SLC7A1: variants seen among roughly 807,000 people sequenced by gnomAD.
The protein encoded by SLC7A1 is solute carrier family 7 member 1, also known as high affinity cationic amino acid transporter 1.
A neutral mutation model predicts 53.9 loss-of-function variants in SLC7A1; 10 were observed. The observed-to-expected ratio is 0.19, with a 90% CI of 0.11 to 0.31. The LOEUF (loss-of-function observed/expected upper bound fraction) is 0.31, where lower values mean the gene tolerates loss of function less well. SLC7A1 is among the 10% of genes least tolerant of loss of function. The pLI, the probability that SLC7A1 is intolerant of heterozygous loss-of-function variation, is 1.00. For synonymous variants in SLC7A1, 342 were observed against 338.7 expected (o/e 1.01, Z -0.11); for missense variants, 525 against 827.2 (o/e 0.63, Z 4.48).
At chr13:29,568,979 G>A (rs1337927478) in intron 1 of SLC7A1, among the ~76,000 whole-genome samples, 2 of 152,168 alleles carry the variant, frequency 1.3e-5, no homozygotes, top group African/African-American at 2.4e-5. Context: ...TCATCAAAAC[G>A]GGTCTCTGTC....
intron 2 of SLC7A1, among the ~76,000 whole-genome samples, chr13:29,551,754 A>G (rs535939827): frequency 6.6e-6 from 1 of 152,280 alleles, no homozygotes. Context: ...GGAAGGAAAG[A>G]AAAGGGTGCT....
intron 2 of SLC7A1, among the ~76,000 whole-genome samples, chr13:29,551,375 G>C (rs1222317484): frequency 6.6e-6 from 1 of 152,188 alleles, no homozygotes; most frequent in South Asian, 2.1e-4. Flanking sequence ...TCCAGGAGAT[G>C]TGGCAACTAT....
intron 2 of SLC7A1, among the ~76,000 whole-genome samples, chr13:29,549,468 T>C (rs1207338226): frequency 2.6e-5 from 4 of 152,276 alleles, no homozygotes; most frequent in Non-Finnish European, 5.9e-5. Context: ...ACCAGACCAA[T>C]ACCATGACCA....
intron 4 of SLC7A1, 96 bp from the exon 5 acceptor site, chr13:29,530,808 A>G (rs1347117928): frequency 1.4e-5 from 13 of 941,158 alleles, no homozygotes; most frequent in Admixed American, 2.1e-5. Context: ...CTGAAAAAGA[A>G]TCCAAGTGCA....
intron 9 of SLC7A1, 76 bp downstream of exon 9, chr13:29,519,371 A>G (rs1307816709): frequency 5.8e-6 from 5 of 864,556 alleles, no homozygotes; most frequent in Non-Finnish European, 9.5e-6. Context: ...TCATCACATA[A>G]ACCATAGCTG....
intron 2 of SLC7A1, among the ~76,000 whole-genome samples, chr13:29,537,947 G>T (rs920331246): frequency 6.6e-6 from 1 of 152,160 alleles, no homozygotes; most frequent in African/African-American, 2.4e-5. Flanking sequence ...CCGGGCGGGC[G>T]CAGTGCAGCA....
intron 4 of SLC7A1, 36 bp from the exon 5 acceptor site, chr13:29,530,748 T>C: frequency 6.3e-7 from 1 of 1,586,406 alleles, no homozygotes; most frequent in Non-Finnish European, 8.6e-7. Flanking sequence ...TTTGTCTGAG[T>C]GTTAACCACA....
intron 2 of SLC7A1, among the ~76,000 whole-genome samples, chr13:29,545,852 G>A (rs1869897538): frequency 1.3e-5 from 2 of 152,312 alleles, no homozygotes; most frequent in South Asian, 4.1e-4. Flanking sequence ...AAGCTATCAA[G>A]GACATCTTCA....
intron 12 of SLC7A1, among the ~76,000 whole-genome samples, chr13:29,515,159 G>T (rs982399848): frequency 1.3e-5 from 2 of 152,242 alleles, no homozygotes; most frequent in African/African-American, 2.4e-5. Context: ...GGGCCACCTT[G>T]TGTGGCTGAC....
intron 1 of SLC7A1, among the ~76,000 whole-genome samples, chr13:29,554,518 A>T (rs1870344962): frequency 6.6e-6 from 1 of 152,176 alleles, no homozygotes; most frequent in Non-Finnish European, 1.5e-5. Context: ...ACCTGGTATG[A>T]ACGCAGCCTG....
At chr13:29,584,628 G>A (rs1047145018) in intron 1 of SLC7A1, among the ~76,000 whole-genome samples, 3 of 151,998 alleles carry the variant, frequency 2.0e-5, no homozygotes, top group African/African-American at 7.2e-5. Context: ...GTTCTGTTAT[G>A]TCATTGTACC....
At chr13:29,530,795 C>A in intron 4 of SLC7A1, 83 bp from the exon 5 acceptor site, 3 of 1,181,740 alleles carry the variant, frequency 2.5e-6, no homozygotes, top group Middle Eastern at 4.2e-4. Context: ...GATAAGAAGG[C>A]GACTGAAAAA....
Position 29,536,230 on chromosome 13 carries a change from T to C in SLC7A1, c.-14-28A>G, listed in dbSNP as rs754390210. On this transcript the variant is annotated intron_variant, in intron 2 of 12. Transcript: ENST00000380752. ...GTTGAAAAAGAACAAAGATGTTTCCTGATTGCTCCTCATTTCACCCATTAC... is the reference window on the plus strand; with the variant it reads ...GTTGAAAAAGAACAAAGATGTTTCCCGATTGCTCCTCATTTCACCCATTAC... 6 of 1,577,212 alleles carry C rather than the reference T, an allele frequency of 3.8e-6. No homozygotes were observed. In the African/African-American group the frequency reaches 8.1e-5, roughly 21 times the overall value.
In SLC7A1 at chr13:29,524,261, AAAG is replaced by A. The variant is rs1868779556; in HGVS notation, c.705-11_705-9del. ...TTCCCTTCTTTTGTGTCACTAGAAAAAAGAGCCGCAAACAAATGTCACGTCACT... is the reference window on the plus strand; with the variant it reads ...TTCCCTTCTTTTGTGTCACTAGAAAAAGCCGCAAACAAATGTCACGTCACT... On this transcript the variant is annotated splice_polypyrimidine_tract_variant and intron_variant, in intron 5 of 12. Transcript: ENST00000380752. 1 of 1,614,084 alleles carries A rather than the reference AAAG, an allele frequency of 6.2e-7. No homozygotes were observed.
chr13:29,540,184 T>C (rs757246188), intron 2 of SLC7A1, among the ~76,000 whole-genome samples: 7 of 152,188 alleles, frequency 4.6e-5, no homozygotes, highest in East Asian at 3.9e-4. Context: ...CTTCCTGCTG[T>C]TGGGGTTTAC....
At chr13:29,579,552 A>T (rs1245008704) in intron 1 of SLC7A1, among the ~76,000 whole-genome samples, 1 of 152,026 alleles carries the variant, frequency 6.6e-6, no homozygotes, top group African/African-American at 2.4e-5. Flanking sequence ...TATTAGAGAC[A>T]GGGTTTTGCC....
intron 1 of SLC7A1, among the ~76,000 whole-genome samples, chr13:29,562,368 G>A (rs754661849): frequency 6.6e-6 from 1 of 152,208 alleles, no homozygotes; most frequent in Non-Finnish European, 1.5e-5. Flanking sequence ...CAGGTTGGGT[G>A]TCTCTGATCC....
intron 2 of SLC7A1, among the ~76,000 whole-genome samples, chr13:29,539,636 G>A (rs113737452): frequency 0.019 from 2,946 of 152,286 alleles, 38 homozygotes; most frequent in Non-Finnish European, 0.029. Context: ...CGTTTTATCC[G>A]GGTATAGTTC....
chr13:29,546,956 A>C (rs563002114), intron 2 of SLC7A1, among the ~76,000 whole-genome samples: 55 of 152,340 alleles, frequency 3.6e-4, no homozygotes, highest in African/African-American at 1.1e-3. Context: ...TGTAAGAATA[A>C]GAGCGCGGAG....
Sources: gnomAD v4.1 joint callset for allele counts (sites outside exome capture counted in the v4.1 genomes callset) on GRCh38, gnomAD v4.1.1 for gene constraint, MANE v1.5 for transcripts, NCBI Gene and HGNC (gene_info 2026-07-23, HGNC 2026-07-21) for gene names.